TOP2A: variants seen among roughly 807,000 people sequenced by gnomAD.
TOP2A encodes DNA topoisomerase 2-alpha.
Under a neutral mutation model 187.2 loss-of-function variants are expected in TOP2A, and 68 were observed. The ratio of observed to expected loss-of-function variants is 0.36; its 90% confidence interval spans 0.30 to 0.44. The LOEUF (loss-of-function observed/expected upper bound fraction) is 0.44, where lower values mean the gene tolerates loss of function less well. Among genes scored for constraint, TOP2A ranks in the 20% least tolerant of loss-of-function variants. The pLI is 1.00. For synonymous variants in TOP2A, 542 were observed against 593.2 expected (o/e 0.91, Z 1.25); for missense variants, 1,196 against 1,808.7 (o/e 0.66, Z 6.14).
intron 27 of TOP2A, among the ~76,000 whole-genome samples, chr17:40,397,048 ATTT>A (rs745455646): frequency 7.9e-5 from 12 of 151,632 alleles, no homozygotes; most frequent in Admixed American, 2.0e-4. Context: ...ATGCCTGGCT[ATTT>A]AAAAAAAACA....
Position 40,407,595 on chromosome 17 carries a change from G to C in TOP2A, c.1580C>G (p.Ser527Ter). 3.8e-6 allele frequency: 6 copies of C among 1,594,754 alleles called. No individual in the cohort carries two copies. The highest frequency in any genetic ancestry group is 5.1e-6 in the Non-Finnish European group (6 of 1,174,896). ...QYKKNYEDED[S>*]LKTLRYGKIM... ...CTTCCCATAACGAAGCGTCTTCAAT[G>C]AATCTTCATCTTCATAGTTTTTCTT... Residue 527 changes from serine to a stop codon, truncating the protein, a stop_gained, in exon 13 of 35, where the codon TCA becomes TGA. Coordinates refer to ENST00000423485, the MANE Select transcript of TOP2A (RefSeq NM_001067.4). LOFTEE classifies it high-confidence loss of function.
At chr17:40,399,344 A>AT (rs915828155) in intron 24 of TOP2A, 1,149 of 494,966 alleles carry the variant, frequency 2.3e-3, no homozygotes, top group Middle Eastern at 6.3e-3. Context: ...TGATCAAATC[A>AT]TTTTTTTTTG....
chr17:40,417,753 C>A lies in TOP2A; in HGVS notation c.21+18G>T, dbSNP rs201408044. 4.9e-4 allele frequency: 797 copies of A among 1,611,848 alleles called. 2 individuals carry two copies. In the African/African-American group the frequency reaches 8.3e-3, roughly 17 times the overall value. Reference sequence around the variant, plus strand: ...GCCGCGCGGAGGCTCCACCGCCAGTCCCCCCCGCGAGCCGTACCTGCAATG... The same window carrying A: ...GCCGCGCGGAGGCTCCACCGCCAGTACCCCCCGCGAGCCGTACCTGCAATG... On this transcript the variant is annotated intron_variant, in intron 1 of 34. Coordinates refer to ENST00000423485, the MANE Select transcript of TOP2A (RefSeq NM_001067.4).
chr17:40,391,772 T>C (rs2035024613), intron 32 of TOP2A, 132 bp from the exon 33 acceptor site: 3 of 1,054,866 alleles, frequency 2.8e-6, no homozygotes, highest in South Asian at 1.9e-5. Flanking sequence ...TAAAACATAC[T>C]CTTAAAACTT....
chr17:40,392,074 C>A lies in TOP2A; in HGVS notation c.4126G>T (p.Val1376Leu). Residue 1376 changes from valine to leucine, a missense_variant, in exon 32 of 35, where the codon GTG becomes TTG. Physicochemically the swap from Val to Leu is conservative, Grantham distance 32. Coordinates refer to ENST00000423485, the MANE Select transcript of TOP2A (RefSeq NM_001067.4). ...CTTTTACTTAAATACATACCTGACA[C>A]GACACTTTTCTGTGGTTTCAGTTCT... ...NKELKPQKSV[V>L]SDLEADDVKG... 7 of 1,611,760 alleles carry A rather than the reference C, an allele frequency of 4.3e-6. No individual in the cohort carries two copies. Among genetic ancestry groups the A allele is most frequent in the Non-Finnish European group, 5.9e-6 (7 of 1,179,170 alleles).
intron 10 of TOP2A, chr17:40,410,065 G>GC (rs2035302880): frequency 6.2e-6 from 1 of 161,294 alleles, no homozygotes; most frequent in South Asian, 1.6e-4. Flanking sequence ...TCCAGCCTGG[G>GC]CGACAGAGCG....
In TOP2A at chr17:40,408,375, TA is replaced by T. The variant is rs1303027173; in HGVS notation, c.1342+116del. 3 of 1,141,808 alleles carry T rather than the reference TA, an allele frequency of 2.6e-6. No homozygotes were observed. In the African/African-American group the frequency reaches 4.7e-5, roughly 18 times the overall value. The allele number at this position is 1,141,808 out of a possible 1,614,324, so 70.7% of individuals were successfully genotyped here. A position where few individuals can be genotyped will look rare whatever the true frequency, so the allele number is the denominator to read the frequency against. Reference sequence around the variant, plus strand: ...GGAAACGGGCCGATTTTTAACAAGTTATTCTGTTGAATATAGTTATTCTGTC... The same window carrying T: ...GGAAACGGGCCGATTTTTAACAAGTTTTCTGTTGAATATAGTTATTCTGTC... On this transcript the variant is annotated intron_variant, in intron 11 of 34. Transcript: ENST00000423485.
At position 40,392,579 on chromosome 17, in the gene TOP2A, C is replaced by T. The variant is rs1473698870; in HGVS notation, c.3964+6G>A. ...TTTATCTATAATGTTCTTTAGTTTTCCTTACTTGCTGCTCTCCGTGGCTCT... is the reference window on the plus strand; with the variant it reads ...TTTATCTATAATGTTCTTTAGTTTTTCTTACTTGCTGCTCTCCGTGGCTCT... On this transcript the variant is annotated splice_donor_region_variant and intron_variant, in intron 30 of 34. Transcript: ENST00000423485. 5 of 1,605,064 alleles carry T rather than the reference C, an allele frequency of 3.1e-6. No homozygotes were observed. In the East Asian group the frequency reaches 6.7e-5, roughly 21 times the overall value.
At chr17:40,408,227 T>A in intron 11 of TOP2A, 103 bp from the exon 12 acceptor site, 1 of 999,870 alleles carries the variant, frequency 1.0e-6, no homozygotes, top group Non-Finnish European at 1.4e-6. Flanking sequence ...CACAATTTAC[T>A]ATATAATGAG....
At position 40,401,013 on chromosome 17, in the gene TOP2A, T is replaced by C. The variant is rs780497426; in HGVS notation, c.2501A>G (p.Gln834Arg). The C allele has an allele frequency of 4.3e-6, 7 of 1,614,012 alleles. No individual in the cohort carries two copies. Among genetic ancestry groups the C allele is most frequent in the Non-Finnish European group, 5.1e-6 (6 of 1,179,902 alleles). Residue 834 changes from glutamine (Q) to arginine (R), a missense_variant, in exon 21 of 35, where the codon CAG becomes CGG. Around this residue, in one of 10 missense-constraint regions of TOP2A, gnomAD observed 209 missense variants for 376.9 expected, o/e 0.55. Coordinates refer to ENST00000423485, the MANE Select transcript of TOP2A (RefSeq NM_001067.4). ...HTLKFLYDDN[Q>R]RVEPEWYIPI... Reference sequence around the variant, plus strand: ...AATGTACCATTCAGGCTCAACACGCTGGTTGTCATCATATAAAAACTTCAA... The same window carrying C: ...AATGTACCATTCAGGCTCAACACGCCGGTTGTCATCATATAAAAACTTCAA...
chr17:40,410,043 G>C, intron 10 of TOP2A: 1 of 165,596 alleles, frequency 6.0e-6, no homozygotes. Context: ...AGCCGAGATC[G>C]TGCCACTGCA....
intron 28 of TOP2A, among the ~76,000 whole-genome samples, chr17:40,395,874 C>T (rs936609647): frequency 6.6e-6 from 1 of 151,672 alleles, no homozygotes; most frequent in South Asian, 2.1e-4. Flanking sequence ...GGTAACACAG[C>T]GAGACTCCAT....
At chr17:40,397,285 C>CTTT (rs11331486) in intron 27 of TOP2A, among the ~76,000 whole-genome samples, 3 of 131,222 alleles carry the variant, frequency 2.3e-5, no homozygotes, top group East Asian at 2.2e-4. Context: ...CTGCTTTCTC[C>CTTT]TTTTTTTTTT....
chr17:40,416,025 A>T lies in TOP2A; in HGVS notation c.312T>A (p.Cys104Ter), dbSNP rs1436802127. The change falls in exon 4 of 35, where the codon TGT (cysteine) becomes TGA (stop). Residue 104 changes from cysteine (C) to a stop codon, truncating the protein, a stop_gained. Coordinates refer to ENST00000423485, the MANE Select transcript of TOP2A (RefSeq NM_001067.4). LOFTEE classifies it high-confidence loss of function. Reference protein sequence around the residue: ...DNKQRDPKMSCIRVTIDPENN... With the variant: ...DNKQRDPKMS ...CGTACGGATCAATTGTGACTCTAAT[A>T]CAAGACATTTTTGGGTCCCTTTGTT... The T allele has an allele frequency of 6.3e-7, 1 of 1,591,308 alleles. No homozygotes were observed. Among genetic ancestry groups the T allele is most frequent in the East Asian group, 2.2e-5 (1 of 44,454 alleles).
intron 16 of TOP2A, among the ~76,000 whole-genome samples, chr17:40,405,952 GA>G (rs976188785): frequency 2.0e-5 from 3 of 152,168 alleles, no homozygotes; most frequent in African/African-American, 7.2e-5. Flanking sequence ...ATTTTTAGCA[GA>G]GATGGGGTTT....
At chr17:40,390,918 C>T (rs1252110119) in intron 33 of TOP2A, among the ~76,000 whole-genome samples, 1 of 152,154 alleles carries the variant, frequency 6.6e-6, no homozygotes, top group Non-Finnish European at 1.5e-5. Context: ...AGCCACTGCA[C>T]CCAGCCTTAA....
In TOP2A at chr17:40,401,008, C is replaced by T; in HGVS notation, c.2506G>A (p.Val836Ile). 6.2e-7 allele frequency: 1 copy of T among 1,614,000 alleles called. No homozygotes were observed. ...ATAGGAATGTACCATTCAGGCTCAACACGCTGGTTGTCATCATATAAAAAC... is the reference window on the plus strand; with the variant it reads ...ATAGGAATGTACCATTCAGGCTCAATACGCTGGTTGTCATCATATAAAAAC... ...LKFLYDDNQR[V>I]EPEWYIPIIP... The change falls in exon 21 of 35, where the codon GTT becomes ATT. Residue 836 changes from valine to isoleucine, a missense_variant. This residue lies in a region of TOP2A where 209 missense variants were observed against 376.9 expected (regional missense o/e 0.55). Transcript: ENST00000423485.
chr17:40,406,628 C>T lies in TOP2A; in HGVS notation c.1799G>A (p.Ser600Asn), dbSNP rs1413326763. ...YSLPEFEEWK[S>N]STPNHKKWKV... ...CCATTTTTTATGATTTGGAGTAGAACTCTTCCACTCTTCAAATTCAGGAAG... is the reference window on the plus strand; with the variant it reads ...CCATTTTTTATGATTTGGAGTAGAATTCTTCCACTCTTCAAATTCAGGAAG... The change falls in exon 15 of 35, where the codon AGT becomes AAT. Residue 600 changes from serine (S) to asparagine (N), a missense_variant. Ser to Asn is a conservative substitution (Grantham distance 46). Transcript: ENST00000423485. 7.4e-6 allele frequency: 12 copies of T among 1,612,474 alleles called. No homozygotes were observed. Among genetic ancestry groups the T allele is most frequent in the Admixed American group, 1.7e-5 (1 of 59,604 alleles).
At chr17:40,389,870 T>A in intron 34 of TOP2A, 95 bp downstream of exon 34, 1 of 1,355,840 alleles carries the variant, frequency 7.4e-7, no homozygotes, top group Non-Finnish European at 9.9e-7. Context: ...TGAGAGTTAA[T>A]TTTCTTAAAG....
Sources: gnomAD v4.1 joint callset for allele counts (sites outside exome capture counted in the v4.1 genomes callset) on GRCh38, gnomAD v4.1.1 for gene constraint, gnomAD v4.1.1 regional missense constraint, MANE v1.5 for transcripts, NCBI Gene and HGNC (gene_info 2026-07-23, HGNC 2026-07-21) for gene names.